Variants in B3GALT1 observed in about 807,000 individuals in gnomAD.
B3GALT1 encodes beta-1,3-galactosyltransferase 1.
Under a neutral mutation model 23.2 loss-of-function variants are expected in B3GALT1, and 10 were observed. The observed-to-expected ratio is 0.43, with a 90% CI of 0.27 to 0.73. B3GALT1 has a LOEUF of 0.73. B3GALT1 is among the 30% of genes least tolerant of loss of function. B3GALT1 has a pLI of 0.21. For missense variants in B3GALT1, 299 were observed against 405.4 expected (o/e 0.74, Z 2.25); for synonymous variants, 156 against 141.5 (o/e 1.10, Z -0.73).
intron 4 of B3GALT1, among the ~76,000 whole-genome samples, chr2:167,839,178 G>C (rs1405906135): frequency 6.6e-6 from 1 of 152,116 alleles, no homozygotes; most frequent in Non-Finnish European, 1.5e-5. Flanking sequence ...TTCTGGCCAG[G>C]GCAATTAGTC....
At chr2:167,693,780 C>T (rs1686751013) in intron 3 of B3GALT1, among the ~76,000 whole-genome samples, 1 of 152,076 alleles carries the variant, frequency 6.6e-6, no homozygotes, top group Admixed American at 6.6e-5. Flanking sequence ...TATAACACTC[C>T]ATGATTCTGA....
intron 1 of B3GALT1, among the ~76,000 whole-genome samples, chr2:167,465,912 A>T (rs905677335): frequency 6.0e-5 from 9 of 151,252 alleles, no homozygotes; most frequent in African/African-American, 2.2e-4. Context: ...TTCCCCCTCC[A>T]TCTCCAAGGG....
chr2:167,715,848 C>T (rs1687133885), intron 3 of B3GALT1: 5 of 1,613,770 alleles, frequency 3.1e-6, no homozygotes, highest in African/African-American at 2.7e-5. Flanking sequence ...TTTCTCTCTT[C>T]CCACATAAAG....
chr2:167,633,114 C>G (rs1685479660), intron 2 of B3GALT1, among the ~76,000 whole-genome samples: 1 of 151,866 alleles, frequency 6.6e-6, no homozygotes, highest in Non-Finnish European at 1.5e-5. Context: ...AAACAGTGTT[C>G]AGGATATTAT....
At chr2:167,444,600 T>C (rs1199571254) in intron 1 of B3GALT1, among the ~76,000 whole-genome samples, 3 of 152,200 alleles carry the variant, frequency 2.0e-5, no homozygotes, top group Admixed American at 2.0e-4. Context: ...CTTGGGAGGG[T>C]GCATGTGTCC....
intron 1 of B3GALT1, among the ~76,000 whole-genome samples, chr2:167,293,910 G>A (rs1440034894): frequency 7.7e-6 from 1 of 129,594 alleles, no homozygotes; most frequent in African/African-American, 2.8e-5. Context: ...CCACATTGCT[G>A]AAGAAAAGGA....
chr2:167,790,827 G>C (rs1210275875), intron 3 of B3GALT1, among the ~76,000 whole-genome samples: 1 of 151,868 alleles, frequency 6.6e-6, no homozygotes, highest in Non-Finnish European at 1.5e-5. Context: ...TATCAATTTT[G>C]CACCTTTTAA....
At chr2:167,659,836 C>T (rs565274464) in intron 3 of B3GALT1, among the ~76,000 whole-genome samples, 12 of 151,996 alleles carry the variant, frequency 7.9e-5, no homozygotes, top group Non-Finnish European at 1.6e-4. Flanking sequence ...TCTCTTCTTC[C>T]TCGAGTGGAT....
chr2:167,394,834 C>G (rs1000897150), intron 1 of B3GALT1, among the ~76,000 whole-genome samples: 2 of 152,120 alleles, frequency 1.3e-5, no homozygotes, highest in African/African-American at 4.8e-5. Context: ...AGTGAAATTA[C>G]TTAGAGCCAG....
chr2:167,394,628 T>C (rs1282713881), intron 1 of B3GALT1, among the ~76,000 whole-genome samples: 1 of 152,094 alleles, frequency 6.6e-6, no homozygotes, highest in East Asian at 1.9e-4. Context: ...AAAGCATTAT[T>C]TTCCATATTT....
intron 3 of B3GALT1, among the ~76,000 whole-genome samples, chr2:167,800,732 G>T (rs1330553164): frequency 6.6e-6 from 1 of 152,120 alleles, no homozygotes; most frequent in Non-Finnish European, 1.5e-5. Flanking sequence ...ACCAAAAAAA[G>T]TCTGTTGATC....
intron 2 of B3GALT1, among the ~76,000 whole-genome samples, chr2:167,569,398 A>G (rs138257175): frequency 1.0e-3 from 154 of 151,956 alleles, no homozygotes; most frequent in African/African-American, 3.5e-3. Flanking sequence ...ATTTCCTCAT[A>G]TGGATCTTAT....
intron 3 of B3GALT1, among the ~76,000 whole-genome samples, chr2:167,776,628 T>TA (rs1448756620): frequency 6.6e-6 from 1 of 152,226 alleles, no homozygotes; most frequent in Admixed American, 6.5e-5. Flanking sequence ...TGCTTCTGTG[T>TA]ATCTGACACA....
chr2:167,647,099 A>C lies in B3GALT1; in HGVS notation c.-352+133A>C, dbSNP rs574888611. Among the ~76,000 whole-genome samples, 3 of 152,332 alleles carry C rather than the reference A, an allele frequency of 2.0e-5. No homozygotes were observed. The East Asian group carries it at 5.8e-4, about 29-fold the overall frequency. The stretch of plus-strand genomic sequence containing the variant: ...AGAGAAATCACCTGCAAGAAAAGCC[A>C]GCTTAAAAATTAGACATGAACCTTC... On this transcript the variant is annotated intron_variant, in intron 3 of 4. Transcript: ENST00000392690.
intron 1 of B3GALT1, among the ~76,000 whole-genome samples, chr2:167,313,701 G>A (rs1031941884): frequency 1.7e-4 from 26 of 152,074 alleles, no homozygotes; most frequent in African/African-American, 6.3e-4. Context: ...AGTGCAAGGT[G>A]GTCTCTGGTC....
intron 1 of B3GALT1, among the ~76,000 whole-genome samples, chr2:167,433,426 G>A (rs767948223): frequency 2.3e-4 from 35 of 152,130 alleles, no homozygotes; most frequent in Non-Finnish European, 4.7e-4. Flanking sequence ...AAAATTATAT[G>A]TGTGGCAAAA....
intron 2 of B3GALT1, among the ~76,000 whole-genome samples, chr2:167,567,546 G>T (rs1416125401): frequency 6.6e-6 from 1 of 152,028 alleles, no homozygotes; most frequent in Non-Finnish European, 1.5e-5. Context: ...TTGTTTTATT[G>T]TGGTGTTCTT....
chr2:167,790,306 C>G (rs1688411873), intron 3 of B3GALT1, among the ~76,000 whole-genome samples: 1 of 152,130 alleles, frequency 6.6e-6, no homozygotes, highest in African/African-American at 2.4e-5. Flanking sequence ...AATTACCCTC[C>G]ACTGGGACTC....
In B3GALT1 at chr2:167,548,199, G is replaced by A. The variant is rs79030476; in HGVS notation, c.-410+57922G>A. ...AGCAGTCTTACCAAATGGGTGGCAG[G>A]GCTGGAATGGAAGCCCAGATCTACC... On this transcript the variant is annotated intron_variant, in intron 2 of 4. Transcript: ENST00000392690. 6.8e-3 allele frequency among the ~76,000 whole-genome samples: 1,034 copies of A among 152,192 alleles called. 15 individuals are homozygous for A. The highest frequency in any genetic ancestry group is 0.024 in the African/African-American group (987 of 41,522).
Sources: allele counts gnomAD v4.1 joint callset (sites outside exome capture counted in the v4.1 genomes callset), GRCh38; gene constraint gnomAD v4.1.1; transcripts MANE v1.5; gene names NCBI Gene and HGNC (gene_info 2026-07-23, HGNC 2026-07-21).